CFAP20DC: variants seen among roughly 807,000 people sequenced by gnomAD.
CFAP20DC encodes CFAP20 domain containing.
In CFAP20DC, 84 loss-of-function variants were observed where a neutral mutation model predicts 101.7. That is an observed-to-expected ratio of 0.83 (90% CI 0.69 to 0.99). The LOEUF is 0.99. CFAP20DC is among the 50% of genes least tolerant of loss of function. The pLI is 0.00. For synonymous variants in CFAP20DC, 359 were observed against 351.2 expected, an observed-to-expected ratio of 1.02 and a Z score of -0.25; for missense variants, 1,007 against 970.3, an observed-to-expected ratio of 1.04 and a Z score of -0.50.
intron 3 of CFAP20DC, among the ~76,000 whole-genome samples, chr3:58,731,711 T>A (rs773323604): frequency 6.6e-6 from 1 of 152,228 alleles, no homozygotes; most frequent in African/African-American, 2.4e-5. Context: ...TTTTAAAAAA[T>A]ATAGATTCTT....
intron 13 of CFAP20DC, among the ~76,000 whole-genome samples, chr3:58,835,911 A>G (rs547783774): frequency 1.6e-4 from 25 of 152,348 alleles, no homozygotes; most frequent in Middle Eastern, 3.4e-3. Context: ...CTTATGTAAT[A>G]CTATCTCTGA....
chr3:59,010,604 T>C (rs1048574219), intron 4 of CFAP20DC, among the ~76,000 whole-genome samples: 3 of 151,960 alleles, frequency 2.0e-5, no homozygotes, highest in South Asian at 4.1e-4. Context: ...GACAACACAA[T>C]AATAATGGGG....
At chr3:58,827,919 A>G (rs1415114775) in intron 14 of CFAP20DC, among the ~76,000 whole-genome samples, 1 of 152,230 alleles carries the variant, frequency 6.6e-6, no homozygotes, top group Non-Finnish European at 1.5e-5. Flanking sequence ...GAGAGTTATC[A>G]GGGAGATACT....
intron 4 of CFAP20DC, among the ~76,000 whole-genome samples, chr3:58,992,902 T>G (rs1251539751): frequency 6.6e-6 from 1 of 152,096 alleles, no homozygotes; most frequent in Non-Finnish European, 1.5e-5. Context: ...AAAGCTTATT[T>G]AAAATAAAAA....
chr3:58,999,479 C>T (rs376701103), intron 4 of CFAP20DC, among the ~76,000 whole-genome samples: 9 of 152,048 alleles, frequency 5.9e-5, no homozygotes, highest in Non-Finnish European at 1.0e-4. Context: ...GCTTGTTAAA[C>T]GAAAGGAGTG....
chr3:58,842,117 C>A (rs539627801), intron 13 of CFAP20DC, among the ~76,000 whole-genome samples: 2 of 152,324 alleles, frequency 1.3e-5, no homozygotes, highest in Middle Eastern at 3.4e-3. Context: ...CTTAGCAAAT[C>A]ATTTTCAGTA....
At position 58,742,150 on chromosome 3, in the gene CFAP20DC, C is replaced by A. The variant is rs1048244745; in HGVS notation, c.*310G>T. 7.7e-6 allele frequency: 7 copies of A among 913,818 alleles called. No homozygotes were observed. In the African/African-American group the frequency reaches 1.2e-4, roughly 16 times the overall value. The allele number at this position is 913,818 out of a possible 1,614,324, so 56.6% of individuals were successfully genotyped here. A position where few individuals can be genotyped will look rare whatever the true frequency, so the allele number is the denominator to read the frequency against. ...CTGCAAAAAATTTGAATGAATAACT[C>A]TTAATTTGTTTACATAAAATTATCT... On this transcript the variant is annotated 3_prime_UTR_variant, in exon 17 of 17. Transcript: ENST00000482387.
At chr3:58,909,454 CTAACAT>C (rs1409557558) in intron 6 of CFAP20DC, among the ~76,000 whole-genome samples, 4 of 152,120 alleles carry the variant, frequency 2.6e-5, no homozygotes, top group African/African-American at 9.7e-5. Context: ...TTCTACACTT[CTAACAT>C]TAATTCTTTC....
At position 58,984,242 on chromosome 3, in the gene CFAP20DC, A is replaced by G. The variant is rs547580131; in HGVS notation, c.279-46480T>C. Among the ~76,000 whole-genome samples the G allele has an allele frequency of 2.9e-4, 44 of 152,346 alleles. No individual in the cohort carries two copies. The South Asian group carries it at 5.0e-3, about 17-fold the overall frequency. On this transcript the variant is annotated intron_variant, in intron 4 of 16. Transcript: ENST00000482387. The stretch of plus-strand genomic sequence containing the variant: ...AGAGAACTTCTGCAGTAAATCATCA[A>G]TAATTGTTATTGGCTTCCTATTTCT...
At chr3:58,937,591 A>G in intron 5 of CFAP20DC, 57 bp downstream of exon 5, 1 of 1,054,556 alleles carries the variant, frequency 9.5e-7, no homozygotes, top group South Asian at 1.3e-5. Context: ...GTCAGCCCAT[A>G]AGTAATATTT....
rs565593097 is a variant in CFAP20DC at position 58,798,464 on chromosome 3, T to C, written c.2237+7931A>G. On this transcript the variant is annotated intron_variant, in intron 15 of 16. Transcript: ENST00000482387. ...AAACCTGAATAGATGAGGAACTGCT[T>C]CTTATGGTAAGCAAAGAAAGTGGTT... Among the ~76,000 whole-genome samples, 35 of 152,376 alleles carry C rather than the reference T, an allele frequency of 2.3e-4. No homozygotes were observed. The South Asian group carries it at 7.0e-3, about 31-fold the overall frequency.
chr3:59,020,253 T>C (rs1245502779), intron 4 of CFAP20DC, among the ~76,000 whole-genome samples: 1 of 151,914 alleles, frequency 6.6e-6, no homozygotes, highest in African/African-American at 2.4e-5. Flanking sequence ...TTTTGGGCTC[T>C]CAATGCTTAT....
intron 4 of CFAP20DC, among the ~76,000 whole-genome samples, chr3:59,031,111 C>A (rs958022500): frequency 6.6e-6 from 1 of 152,164 alleles, no homozygotes; most frequent in African/African-American, 2.4e-5. Flanking sequence ...CTTGAGCCGC[C>A]GTGCCTGGCC....
chr3:58,807,291 A>G (rs1312107021), intron 14 of CFAP20DC, among the ~76,000 whole-genome samples: 1 of 152,196 alleles, frequency 6.6e-6, no homozygotes, highest in African/African-American at 2.4e-5. Flanking sequence ...CCTGACCTCC[A>G]AGCAGCCTAA....
At chr3:58,983,750 T>C (rs1021310867) in intron 4 of CFAP20DC, among the ~76,000 whole-genome samples, 3 of 152,192 alleles carry the variant, frequency 2.0e-5, no homozygotes, top group Non-Finnish European at 2.9e-5. Flanking sequence ...AAATGCTTTA[T>C]GGATGTTGTT....
At chr3:59,041,197 C>T (rs1262274772) in intron 3 of CFAP20DC, among the ~76,000 whole-genome samples, 1 of 151,940 alleles carries the variant, frequency 6.6e-6, no homozygotes, top group East Asian at 1.9e-4. Flanking sequence ...AAAAAAGGTC[C>T]CTAATTTATG....
intron 3 of CFAP20DC, among the ~76,000 whole-genome samples, chr3:58,720,765 A>G (rs138282291): frequency 2.8e-4 from 42 of 152,326 alleles, no homozygotes; most frequent in African/African-American, 9.4e-4. Context: ...CATATTACAT[A>G]CAACTTAATT....
At chr3:58,999,843 T>TAAAAAAAAAAAAAAAAAAAAAAAAA (rs565894929) in intron 4 of CFAP20DC, among the ~76,000 whole-genome samples, 1 of 76,762 alleles carries the variant, frequency 1.3e-5, no homozygotes, top group Non-Finnish European at 2.8e-5. Context: ...GTCACTAATG[T>TAAAAAAAAAAAAAAAAAAAAAAAAA]AAAAAAAAAA....
chr3:58,794,779 C>A (rs1228915350), intron 15 of CFAP20DC, among the ~76,000 whole-genome samples: 2 of 152,176 alleles, frequency 1.3e-5, no homozygotes, highest in Non-Finnish European at 2.9e-5. Flanking sequence ...TAATGACATG[C>A]AGTGTGGACC....
Sources: gnomAD v4.1 joint callset for allele counts (sites outside exome capture counted in the v4.1 genomes callset) on GRCh38, gnomAD v4.1.1 for gene constraint, MANE v1.5 for transcripts, NCBI Gene and HGNC (gene_info 2026-07-23, HGNC 2026-07-21) for gene names.